The following KATNAL2 variants were observed in gnomAD, a reference collection of about 807,000 sequenced individuals.
The protein encoded by KATNAL2 is katanin p60 ATPase-containing subunit A-like 2.
A neutral mutation model predicts 76.3 loss-of-function variants in KATNAL2; 52 were observed. That is an observed-to-expected ratio of 0.68 (90% CI 0.55 to 0.86). KATNAL2 has a LOEUF of 0.86. Ranked by LOEUF, KATNAL2 falls within the 40% of genes least tolerant of loss-of-function variation. The pLI is 0.00. For missense variants in KATNAL2, 660 were observed against 668.9 expected (o/e 0.99, Z 0.15); for synonymous variants, 243 against 244.2 (o/e 1.00, Z 0.05).
At chr18:47,092,743 G>A (rs2063056125) in intron 15 of KATNAL2, among the ~76,000 whole-genome samples, 1 of 152,154 alleles carries the variant, frequency 6.6e-6, no homozygotes, top group Non-Finnish European at 1.5e-5. Context: ...GTTCCCCATC[G>A]TCCTCCTGGA....
intron 15 of KATNAL2, among the ~76,000 whole-genome samples, chr18:47,084,639 A>C (rs1234455481): frequency 1.3e-5 from 2 of 151,928 alleles, no homozygotes; most frequent in African/African-American, 4.8e-5. Context: ...ACTTGAGGTC[A>C]GGTGTTCAAG....
chr18:46,952,827 C>T (rs1237281357), intron 3 of KATNAL2, among the ~76,000 whole-genome samples: 2 of 150,722 alleles, frequency 1.3e-5, no homozygotes, highest in Non-Finnish European at 3.0e-5. Flanking sequence ...CTTTTTCTTT[C>T]TTTTGTTTCC....
In KATNAL2 at chr18:46,957,553, C is replaced by CCTTTTTTTTTTTTTT. The variant is rs1161903395; in HGVS notation, c.51+10630_51+10631insCTTTTTTTTTTTTTT. ...ACAGGCGTGAACCACCGCGCCTGGC[C>CCTTTTTTTTTTTTTT]TTTTTTTTTTTTTTTTTTTTTTTTT... On this transcript the variant is annotated intron_variant, in intron 3 of 17. Coordinates refer to ENST00000683218, the MANE Select transcript of KATNAL2 (RefSeq NM_001387690.1). Among the ~76,000 whole-genome samples, 2 of 60,512 alleles carry CCTTTTTTTTTTTTTT rather than the reference C, an allele frequency of 3.3e-5. 1 individual carries two copies. 39.7% of individuals were successfully genotyped at this position (60,512 alleles called of 152,430 possible).
chr18:47,093,692 G>A (rs2147384716), intron 15 of KATNAL2, among the ~76,000 whole-genome samples: 1 of 152,008 alleles, frequency 6.6e-6, no homozygotes, highest in South Asian at 2.1e-4. Context: ...TAATTTTTTT[G>A]TAGAGATGGG....
In KATNAL2 at chr18:47,031,277, G is replaced by C. The variant is rs115006944; in HGVS notation, c.52-15180G>C. ...ATATTGGTGCCACGGTTTGGGCAGC[G>C]GAGTTCCACTCTTACCTTTCAGTCC... On this transcript the variant is annotated intron_variant, in intron 3 of 17. Transcript: ENST00000683218. Among the ~76,000 whole-genome samples, 1,076 of 151,718 alleles carry C rather than the reference G, an allele frequency of 7.1e-3. 7 individuals carry two copies. Among genetic ancestry groups the C allele is most frequent in the African/African-American group, 0.016 (671 of 41,164 alleles).
intron 1 of KATNAL2, among the ~76,000 whole-genome samples, chr18:46,922,241 G>A (rs1308319677): frequency 4.0e-5 from 6 of 151,504 alleles, no homozygotes; most frequent in East Asian, 2.0e-4. Context: ...CTGGGACCAC[G>A]GGCACACCAC....
intron 3 of KATNAL2, among the ~76,000 whole-genome samples, chr18:46,951,287 A>G (rs766046060): frequency 1.3e-5 from 2 of 152,158 alleles, no homozygotes; most frequent in Non-Finnish European, 2.9e-5. Flanking sequence ...ATCATATATT[A>G]ACCAATGCAT....
intron 1 of KATNAL2, among the ~76,000 whole-genome samples, chr18:46,918,575 C>T (rs2058278127): frequency 6.6e-6 from 1 of 152,188 alleles, no homozygotes; most frequent in Non-Finnish European, 1.5e-5. Flanking sequence ...CTACCTCCGC[C>T]TCCCGAGTAG....
At position 47,069,555 on chromosome 18, in the gene KATNAL2, C is replaced by T; in HGVS notation, c.963C>T (p.Ser321=). The T allele has an allele frequency of 1.2e-6, 2 of 1,613,948 alleles. No homozygotes were observed. Among genetic ancestry groups the T allele is most frequent in the African/African-American group, 1.3e-5 (1 of 75,044 alleles). ...CKTTFFNISA[S]TIVSKWRGDS... ...CAACCTTCTTTAACATTTCTGCATC[C>T]ACCATTGTCAGCAAATGGAGAGGGG... The change falls in exon 13 of 18, where the codon TCC becomes TCT. Residue 321 remains serine (S), a synonymous_variant. Coordinates refer to ENST00000683218, the MANE Select transcript of KATNAL2 (RefSeq NM_001387690.1).
At chr18:46,935,793 G>A (rs59653446) in intron 1 of KATNAL2, among the ~76,000 whole-genome samples, 1 of 152,188 alleles carries the variant, frequency 6.6e-6, no homozygotes, top group African/African-American at 2.4e-5. Context: ...GTGTGTGCCT[G>A]TAGTCCCAGC....
intron 1 of KATNAL2, among the ~76,000 whole-genome samples, chr18:46,934,261 C>T (rs1277916876): frequency 3.3e-5 from 5 of 152,278 alleles, no homozygotes; most frequent in East Asian, 1.9e-4. Flanking sequence ...TACAGTCCCA[C>T]CAACAGTGTC....
Position 47,069,274 on chromosome 18 carries a change from G to T in KATNAL2, c.880G>T (p.Gly294Cys). Residue 294 changes from glycine to cysteine, a missense_variant, in exon 12 of 18, where the codon GGC becomes TGC. Gly to Cys is a radical substitution (Grantham distance 159). Coordinates refer to ENST00000683218, the MANE Select transcript of KATNAL2 (RefSeq NM_001387690.1). ...LSPWKGLLLY[G>C]PPGTGKTLLA... ...TCCCTGGAAAGGACTACTGCTGTAC[G>T]GCCCTCCAGGTAAACACAGCTTCCT... 1 of 1,609,048 alleles carries T rather than the reference G, an allele frequency of 6.2e-7. No individual in the cohort carries two copies. Among genetic ancestry groups the T allele is most frequent in the Non-Finnish European group, 8.5e-7 (1 of 1,177,408 alleles).
chr18:46,957,161 TC>T lies in KATNAL2; in HGVS notation c.51+10239del, dbSNP rs2059776527. ...TGCTTTGGGGTGCCCAGGCATTTGG[TC>T]AACATTATCCTTGACTGTCTGTGAA... On this transcript the variant is annotated intron_variant, in intron 3 of 17. Transcript: ENST00000683218. Among the ~76,000 whole-genome samples, 3 of 151,768 alleles carry T rather than the reference TC, an allele frequency of 2.0e-5. No homozygotes were observed. In the East Asian group the frequency reaches 5.8e-4, roughly 29 times the overall value.
intron 1 of KATNAL2, among the ~76,000 whole-genome samples, chr18:46,936,109 T>C (rs1568989442): frequency 6.6e-6 from 1 of 152,120 alleles, no homozygotes; most frequent in Non-Finnish European, 1.5e-5. Flanking sequence ...ACAGACAAAA[T>C]CCACTTTTCT....
intron 4 of KATNAL2, among the ~76,000 whole-genome samples, chr18:47,051,448 T>TA (rs34536675): frequency 0.46 from 69,110 of 150,416 alleles, 15,850 homozygotes; most frequent in Admixed American, 0.54. Context: ...AAAAAAAGGT[T>TA]AAAAAAAGTT....
intron 3 of KATNAL2, among the ~76,000 whole-genome samples, chr18:47,040,980 A>G (rs991909554): frequency 2.0e-5 from 3 of 152,220 alleles, no homozygotes; most frequent in Admixed American, 6.5e-5. Context: ...CTGCCAAGGA[A>G]CTAATTTGAA....
chr18:46,945,440 C>T (rs1176697416), intron 1 of KATNAL2, among the ~76,000 whole-genome samples: 1 of 152,160 alleles, frequency 6.6e-6, no homozygotes, highest in African/African-American at 2.4e-5. Flanking sequence ...GAGAGTGGTT[C>T]TCCAAGCCAA....
chr18:47,061,908 G>C (rs1379131219), intron 8 of KATNAL2, among the ~76,000 whole-genome samples: 1 of 151,770 alleles, frequency 6.6e-6, no homozygotes, highest in East Asian at 1.9e-4. Context: ...CCTACCTCTA[G>C]GGGGGACAGG....
At chr18:47,077,592 T>G in intron 15 of KATNAL2, 131 bp downstream of exon 15, 1 of 661,218 alleles carries the variant, frequency 1.5e-6, no homozygotes, top group Non-Finnish European at 2.7e-6. Context: ...ATGTGGAGGC[T>G]TTACTGTTCA....
Sources: allele counts gnomAD v4.1 joint callset (sites outside exome capture counted in the v4.1 genomes callset), GRCh38; gene constraint gnomAD v4.1.1; transcripts MANE v1.5; gene names NCBI Gene and HGNC (gene_info 2026-07-23, HGNC 2026-07-21).